The following SIK3 variants were observed in gnomAD, a reference collection of about 807,000 sequenced individuals.
The protein encoded by SIK3 is serine/threonine-protein kinase SIK3.
Under a neutral mutation model 144.2 loss-of-function variants are expected in SIK3, and 28 were observed. The ratio of observed to expected loss-of-function variants is 0.19; its 90% CI spans 0.14 to 0.27. SIK3 has a LOEUF of 0.27. SIK3 is among the 10% of genes least tolerant of loss of function. The pLI, the probability that SIK3 is intolerant of heterozygous loss-of-function variation, is 1.00. For synonymous variants in SIK3, 686 were observed against 676.3 expected, an observed-to-expected ratio of 1.01 and a Z score of -0.22; for missense variants, 1,319 against 1,776.0, an observed-to-expected ratio of 0.74 and a Z score of 4.62.
chr11:116,905,615 T>C (rs756947643), intron 4 of SIK3, among the ~76,000 whole-genome samples: 2 of 152,208 alleles, frequency 1.3e-5, no homozygotes, highest in Non-Finnish European at 2.9e-5. Flanking sequence ...CCAACACTTA[T>C]TGTCTTTATT....
At chr11:116,876,856 C>T in intron 7 of SIK3, 68 bp downstream of exon 7, 2 of 1,295,688 alleles carry the variant, frequency 1.5e-6, no homozygotes, top group Non-Finnish European at 1.1e-6. Context: ...GGCCTGATTA[C>T]AATCACATGC....
chr11:116,953,271 A>AT (rs901956266), intron 3 of SIK3, among the ~76,000 whole-genome samples: 2 of 152,142 alleles, frequency 1.3e-5, no homozygotes, highest in Non-Finnish European at 2.9e-5. Flanking sequence ...ATATTGATAA[A>AT]TTTTTTTTAA....
intron 4 of SIK3, among the ~76,000 whole-genome samples, chr11:116,912,490 T>C (rs1946400372): frequency 6.6e-6 from 1 of 152,228 alleles, no homozygotes; most frequent in South Asian, 2.1e-4. Flanking sequence ...CCAAAGCAGA[T>C]GTAAACAGAT....
intron 4 of SIK3, among the ~76,000 whole-genome samples, chr11:116,917,823 GAA>G (rs1946736431): frequency 1.0e-4 from 2 of 19,648 alleles, no homozygotes; most frequent in East Asian, 1.7e-3. Flanking sequence ...GAAGGAAGAA[GAA>G]GGAAGGAAAG....
chr11:116,950,980 T>G (rs1161986339), intron 3 of SIK3, among the ~76,000 whole-genome samples: 1 of 152,234 alleles, frequency 6.6e-6, no homozygotes, highest in Non-Finnish European at 1.5e-5. Context: ...GCAAGGCAGG[T>G]CAGCAGAGCT....
chr11:116,965,468 T>C (rs1468534541), intron 1 of SIK3, among the ~76,000 whole-genome samples: 2 of 151,972 alleles, frequency 1.3e-5, no homozygotes, highest in Non-Finnish European at 2.9e-5. Context: ...ATATTCAATT[T>C]TCTATTTTCA....
intron 3 of SIK3, among the ~76,000 whole-genome samples, chr11:116,929,904 T>C (rs1225383324): frequency 2.6e-5 from 4 of 152,212 alleles, no homozygotes; most frequent in African/African-American, 7.2e-5. Context: ...TACACATCGA[T>C]TGTCACTGTT....
intron 1 of SIK3, among the ~76,000 whole-genome samples, chr11:116,972,752 GACAA>G (rs1424299925): frequency 1.3e-5 from 2 of 152,036 alleles, no homozygotes; most frequent in African/African-American, 4.8e-5. Flanking sequence ...TATTCTGTGT[GACAA>G]ACAGACCCCA....
At chr11:116,930,416 G>A (rs1408613773) in intron 3 of SIK3, among the ~76,000 whole-genome samples, 2 of 152,178 alleles carry the variant, frequency 1.3e-5, no homozygotes, top group South Asian at 2.1e-4. Context: ...TGCTCTAGAG[G>A]CAGGCAGCAA....
At chr11:116,962,337 G>A (rs978110217) in intron 1 of SIK3, among the ~76,000 whole-genome samples, 29 of 152,206 alleles carry the variant, frequency 1.9e-4, no homozygotes, top group African/African-American at 6.5e-4. Flanking sequence ...AGACGAGAAA[G>A]AGGATCTCCT....
intron 1 of SIK3, among the ~76,000 whole-genome samples, chr11:117,003,170 G>T (rs760443513): frequency 6.6e-6 from 1 of 152,120 alleles, no homozygotes; most frequent in Non-Finnish European, 1.5e-5. Context: ...TAAGTCTCTT[G>T]CAACGAATGA....
chr11:116,948,867 TAAC>T (rs1418588952), intron 3 of SIK3, among the ~76,000 whole-genome samples: 4 of 150,874 alleles, frequency 2.7e-5, no homozygotes, highest in African/African-American at 4.9e-5. Context: ...AAGAAGGAAA[TAAC>T]AAATATTATA....
intron 22 of SIK3, among the ~76,000 whole-genome samples, chr11:116,848,826 G>A (rs1942199291): frequency 6.6e-6 from 1 of 152,150 alleles, no homozygotes; most frequent in Non-Finnish European, 1.5e-5. Flanking sequence ...AGCCAGGTGT[G>A]GTGGCAGGCA....
At chr11:116,904,981 A>G (rs1003061043) in intron 4 of SIK3, 2 of 167,008 alleles carry the variant, frequency 1.2e-5, no homozygotes, top group Admixed American at 6.5e-5. Context: ...GATGACCACA[A>G]TCAGTTTTAG....
At chr11:116,887,926 G>A (rs1944908325) in intron 6 of SIK3, among the ~76,000 whole-genome samples, 1 of 152,144 alleles carries the variant, frequency 6.6e-6, no homozygotes, top group African/African-American at 2.4e-5. Context: ...ATCTCAGGAT[G>A]CCTATGAAAG....
Position 116,898,896 on chromosome 11 carries a change from G to A in SIK3, c.617-1579C>T, listed in dbSNP as rs1050039984. 1.3e-3 allele frequency among the ~76,000 whole-genome samples: 188 copies of A among 146,260 alleles called. 2 individuals carry two copies. The highest frequency in any genetic ancestry group is 1.6e-3 in the South Asian group (7 of 4,482). ...GCCCTTTGTCAGATGAGTAGGTTGC[G>A]AAAATTTTCTCCCATTTTGTAGGTT... On this transcript the variant is annotated intron_variant, in intron 4 of 24. Transcript: ENST00000445177.
chr11:116,879,721 G>T (rs1331342812), intron 6 of SIK3, among the ~76,000 whole-genome samples: 1 of 152,144 alleles, frequency 6.6e-6, no homozygotes, highest in Non-Finnish European at 1.5e-5. Flanking sequence ...ATTTGTTGTT[G>T]CTTTACAATT....
At chr11:116,915,158 GTGTA>G (rs1555093397) in intron 4 of SIK3, among the ~76,000 whole-genome samples, 1 of 148,670 alleles carries the variant, frequency 6.7e-6, no homozygotes, top group Non-Finnish European at 1.5e-5. Context: ...GTGTGTGTGT[GTGTA>G]TGTGTATTTT....
At chr11:116,874,177 A>T in intron 11 of SIK3, 121 bp from the exon 12 acceptor site, 1 of 1,051,680 alleles carries the variant, frequency 9.5e-7, no homozygotes, top group Non-Finnish European at 1.4e-6. Flanking sequence ...TCCTGAATTT[A>T]TGTTTCTCTT....
Sources: gnomAD v4.1 joint callset for allele counts (sites outside exome capture counted in the v4.1 genomes callset) on GRCh38, gnomAD v4.1.1 for gene constraint, MANE v1.5 for transcripts, NCBI Gene and HGNC (gene_info 2026-07-23, HGNC 2026-07-21) for gene names.